Variants in TMEM131 observed in about 807,000 individuals in gnomAD.
The protein encoded by TMEM131 is transmembrane protein 131, also known as 2610524E03Rik.
Under a neutral mutation model 211.6 loss-of-function variants are expected in TMEM131, and 66 were observed. That is an observed-to-expected ratio of 0.31 (90% CI 0.26 to 0.38). The LOEUF (loss-of-function observed/expected upper bound fraction) is 0.38. Ranked by LOEUF, TMEM131 falls within the 10% of genes least tolerant of loss-of-function variation. The probability of loss-of-function intolerance (pLI) is 1.00; values close to 1 mark genes in which losing one functional copy is unlikely to be tolerated. For synonymous variants in TMEM131, 844 were observed against 841.3 expected (o/e 1.00, Z -0.06); for missense variants, 2,036 against 2,299.3 (o/e 0.89, Z 2.34).
chr2:97,933,429 G>A (rs1296506977), intron 1 of TMEM131, among the ~76,000 whole-genome samples: 3 of 152,104 alleles, frequency 2.0e-5, no homozygotes, highest in East Asian at 1.9e-4. Context: ...GCAAATTCAC[G>A]GGGACAGAAA....
rs1351902635 is a variant in TMEM131 at position 97,827,234 on chromosome 2, TC to T, written c.1074+6130del. ...GCCCGCAGGCACCTGGCACGCGCCT[TC>T]CCCGCCGCCAGGATGCCCAAGAGGA... On this transcript the variant is annotated intron_variant, in intron 11 of 40. Coordinates refer to ENST00000186436, the MANE Select transcript of TMEM131 (RefSeq NM_015348.2). 4 of 763,976 alleles carry T rather than the reference TC, an allele frequency of 5.2e-6. No individual in the cohort carries two copies. In the African/African-American group the frequency reaches 6.9e-5, roughly 13 times the overall value. The allele number at this position is 763,976 out of a possible 1,614,324, so 47.3% of individuals were successfully genotyped here. A position where few individuals can be genotyped will look rare whatever the true frequency, so the allele number is the denominator to read the frequency against.
intron 11 of TMEM131, among the ~76,000 whole-genome samples, chr2:97,820,890 G>C (rs1397913921): frequency 6.6e-6 from 1 of 151,768 alleles, no homozygotes; most frequent in Non-Finnish European, 1.5e-5. Flanking sequence ...AGGGGAATGG[G>C]TTGTTTTCTG....
chr2:97,930,941 A>G (rs1016018593), intron 1 of TMEM131, among the ~76,000 whole-genome samples: 3 of 77,674 alleles, frequency 3.9e-5, no homozygotes, highest in African/African-American at 2.4e-4. Context: ...TATGACACAG[A>G]CATTATGATC....
intron 31 of TMEM131, among the ~76,000 whole-genome samples, chr2:97,782,827 G>A (rs563165186): frequency 9.2e-5 from 14 of 152,050 alleles, no homozygotes; most frequent in South Asian, 2.1e-4. Flanking sequence ...TCAGGGACCC[G>A]TGTAATTATA....
In TMEM131 at chr2:97,805,141, C is replaced by G. The variant is rs1301354269; in HGVS notation, c.2349G>C (p.Leu783Phe). 1 of 1,613,832 alleles carries G rather than the reference C, an allele frequency of 6.2e-7. No individual in the cohort carries two copies. The highest frequency in any genetic ancestry group is 1.7e-5 in the Admixed American group (1 of 60,002). Residue 783 changes from leucine to phenylalanine, a missense_variant, in exon 22 of 41, where the codon TTG becomes TTC. Physicochemically the swap from Leu to Phe is conservative, Grantham distance 22. Transcript: ENST00000186436. Reference protein sequence around the residue: ...QEDMWDADWDLHQSLFKGWTG... With the variant: ...QEDMWDADWDFHQSLFKGWTG... Reference sequence around the variant, plus strand: ...TCCATCCCTTGAACAGGCTTTGATGCAAATCCCAGTCAGCATCCCACATAT... The same window carrying G: ...TCCATCCCTTGAACAGGCTTTGATGGAAATCCCAGTCAGCATCCCACATAT...
chr2:97,949,663 C>A (rs1678207059), intron 1 of TMEM131, among the ~76,000 whole-genome samples: 1 of 150,412 alleles, frequency 6.6e-6, no homozygotes. Flanking sequence ...AAAAAAAATA[C>A]AAAAAAATTA....
At chr2:97,986,378 A>G (rs2104663317) in intron 1 of TMEM131, among the ~76,000 whole-genome samples, 1 of 152,334 alleles carries the variant, frequency 6.6e-6, no homozygotes, top group Admixed American at 6.5e-5. Context: ...AGGAAGGAAC[A>G]GAGACCAAAA....
At chr2:97,894,693 G>C (rs1443311447) in intron 3 of TMEM131, among the ~76,000 whole-genome samples, 1 of 152,074 alleles carries the variant, frequency 6.6e-6, no homozygotes, top group African/African-American at 2.4e-5. Context: ...TTAGCGTATA[G>C]GAACGCTTGT....
chr2:97,923,845 C>A (rs916263484), intron 2 of TMEM131, among the ~76,000 whole-genome samples: 1 of 152,000 alleles, frequency 6.6e-6, no homozygotes, highest in African/African-American at 2.4e-5. Context: ...CTTGGGGAGG[C>A]TGAGGCGGGT....
chr2:97,869,481 AGAG>A (rs907033816), intron 4 of TMEM131, among the ~76,000 whole-genome samples: 11 of 152,246 alleles, frequency 7.2e-5, no homozygotes, highest in Non-Finnish European at 1.6e-4. Context: ...ACCCTTGCTC[AGAG>A]GAGATGAGTC....
chr2:97,811,897 A>G (rs1681564666), intron 17 of TMEM131, among the ~76,000 whole-genome samples: 1 of 152,186 alleles, frequency 6.6e-6, no homozygotes, highest in South Asian at 2.1e-4. Flanking sequence ...TGCTGAAACT[A>G]ATAAATTTGT....
At chr2:97,904,799 T>C (rs1308491611) in intron 3 of TMEM131, among the ~76,000 whole-genome samples, 1 of 139,376 alleles carries the variant, frequency 7.2e-6, no homozygotes, top group African/African-American at 2.8e-5. Flanking sequence ...GCTATAGTTC[T>C]TTTTTTTTTT....
At chr2:97,885,676 C>G (rs1047476315) in intron 4 of TMEM131, among the ~76,000 whole-genome samples, 2 of 151,958 alleles carry the variant, frequency 1.3e-5, no homozygotes, top group Admixed American at 1.3e-4. Flanking sequence ...TTATATGTGA[C>G]TTGACACTTT....
At chr2:97,954,542 C>T (rs1161980316) in intron 1 of TMEM131, among the ~76,000 whole-genome samples, 2 of 152,174 alleles carry the variant, frequency 1.3e-5, no homozygotes, top group African/African-American at 4.8e-5. Context: ...CAGTGGCTCA[C>T]GCCTGTAATC....
At chr2:97,992,836 C>G (rs893986427) in intron 1 of TMEM131, among the ~76,000 whole-genome samples, 15 of 152,186 alleles carry the variant, frequency 9.9e-5, no homozygotes, top group Admixed American at 5.9e-4. Context: ...TGCCACCAAT[C>G]TAGAACTAGT....
chr2:97,991,121 A>G (rs535857651), intron 1 of TMEM131, among the ~76,000 whole-genome samples: 1 of 152,354 alleles, frequency 6.6e-6, no homozygotes, highest in African/African-American at 2.4e-5. Flanking sequence ...TATTACAATG[A>G]AAGTTTAGGC....
chr2:97,761,075 T>C (rs1678814858), intron 36 of TMEM131, 161 bp from the exon 37 acceptor site: 2 of 864,224 alleles, frequency 2.3e-6, no homozygotes, highest in South Asian at 1.7e-5. Context: ...GGCCTCAGAC[T>C]GCTTAATCAG....
Position 97,876,963 on chromosome 2 carries a change from A to C in TMEM131, c.359+11089T>G, listed in dbSNP as rs577476734. On this transcript the variant is annotated intron_variant, in intron 4 of 40. Transcript: ENST00000186436. The stretch of plus-strand genomic sequence containing the variant: ...TACGTTTAGAAAACCCCATCGACTC[A>C]GCCCAAAATCTCCTTAAGCTGCTGA... Among the ~76,000 whole-genome samples the C allele has an allele frequency of 7.2e-5, 11 of 152,368 alleles. No individual in the cohort carries two copies. In the South Asian group the frequency reaches 1.2e-3, roughly 17 times the overall value.
chr2:97,818,884 T>G (rs1681978387), intron 11 of TMEM131, among the ~76,000 whole-genome samples, 163 bp from the exon 12 acceptor site: 1 of 152,204 alleles, frequency 6.6e-6, no homozygotes, highest in South Asian at 2.1e-4. Context: ...ACTGGAAAAC[T>G]TCAAATTAAT....
Sources: allele counts gnomAD v4.1 joint callset (sites outside exome capture counted in the v4.1 genomes callset), GRCh38; gene constraint gnomAD v4.1.1; transcripts MANE v1.5; gene names NCBI Gene and HGNC (gene_info 2026-07-23, HGNC 2026-07-21).